PCCA: variants seen among roughly 807,000 people sequenced by gnomAD.
PCCA encodes the protein propionyl-CoA carboxylase alpha chain, mitochondrial.
In PCCA, 74 loss-of-function variants were observed where a neutral mutation model predicts 101.3. The observed-to-expected ratio is 0.73, with a 90% CI of 0.61 to 0.89. PCCA has a LOEUF of 0.89. PCCA is among the 40% of genes least tolerant of loss of function. The probability of loss-of-function intolerance (pLI) is 0.00; values close to 1 mark genes in which losing one functional copy is unlikely to be tolerated. For synonymous variants in PCCA, 294 were observed against 313.6 expected, an observed-to-expected ratio of 0.94 and a Z score of 0.66; for missense variants, 891 against 907.0, an observed-to-expected ratio of 0.98 and a Z score of 0.23.
rs191619340 is a variant in PCCA at position 100,092,371 on chromosome 13, C to A, written c.105+3146C>A. On this transcript the variant is annotated intron_variant, in intron 1 of 23. Transcript: ENST00000376285. ...ACCTTAGATAATATGATTCTGAAGG[C>A]TTTCTTTTCTTTCTTCCTTTTTTTT... is the stretch of plus-strand genomic sequence containing the variant. 7.3e-5 allele frequency among the ~76,000 whole-genome samples: 11 copies of A among 151,284 alleles called. No homozygotes were observed. The East Asian group carries it at 2.1e-3, about 30-fold the overall frequency.
intron 21 of PCCA, among the ~76,000 whole-genome samples, chr13:100,509,808 GTTTTTTGTTTTGTGTT>G (rs1286068424): frequency 4.5e-5 from 5 of 111,846 alleles, no homozygotes; most frequent in African/African-American, 1.5e-4. Flanking sequence ...GGTGGTGTGG[GTTTTTTGTTTTGTGTT>G]TTTTTTGTTT....
intron 7 of PCCA, among the ~76,000 whole-genome samples, chr13:100,225,249 A>G (rs1199322944): frequency 6.6e-6 from 1 of 152,212 alleles, no homozygotes; most frequent in East Asian, 1.9e-4. Flanking sequence ...GATCTGTTCA[A>G]TGTCAGGTGT....
intron 4 of PCCA, among the ~76,000 whole-genome samples, chr13:100,132,683 G>A (rs1160615637): frequency 6.6e-6 from 1 of 152,086 alleles, no homozygotes; most frequent in African/African-American, 2.4e-5. Context: ...TGGTCATATG[G>A]TAAGTATAAG....
intron 4 of PCCA, among the ~76,000 whole-genome samples, chr13:100,115,606 A>G (rs528526996): frequency 6.6e-5 from 10 of 152,328 alleles, no homozygotes; most frequent in African/African-American, 2.2e-4. Flanking sequence ...GGAATTTTTC[A>G]GCTCCATTAT....
chr13:100,207,637 C>T (rs2058943953), intron 6 of PCCA, among the ~76,000 whole-genome samples: 1 of 152,014 alleles, frequency 6.6e-6, no homozygotes. Flanking sequence ...TCCTCGGCCT[C>T]CCAAAGTGCT....
chr13:100,097,262 G>A (rs1396365470), intron 1 of PCCA, among the ~76,000 whole-genome samples: 1 of 152,042 alleles, frequency 6.6e-6, no homozygotes. Context: ...GGGGATGGGA[G>A]TGACTGCGAA....
At chr13:100,157,248 A>T in intron 5 of PCCA, 39 bp from the exon 6 acceptor site, 1 of 1,436,388 alleles carries the variant, frequency 7.0e-7, no homozygotes, top group Non-Finnish European at 9.8e-7. Flanking sequence ...CTTTTGCAAT[A>T]TGATAAAATT....
intron 21 of PCCA, among the ~76,000 whole-genome samples, chr13:100,458,294 T>TACACACAC (rs57961819): frequency 8.9e-4 from 77 of 86,516 alleles, no homozygotes; most frequent in East Asian, 5.8e-3. Context: ...ACCCCATCTC[T>TACACACAC]ACACACACAC....
chr13:100,530,144 A>T lies in PCCA; in HGVS notation c.2165A>T (p.Asp722Val), dbSNP rs1283571787. ...GCTGGAGACACAGTTGGAGAAGGGG[A>T]TCTGCTCGTGGAGCTGGAATGAAGG... The part of the protein sequence containing the change: ...CQAGDTVGEG[D>V]LLVELE Residue 722 changes from aspartate to valine, a missense_variant, in exon 24 of 24, where the codon GAT (aspartate) becomes GTT (valine). By Grantham distance (152) the Asp-to-Val change is radical. Transcript: ENST00000376285. 1 of 1,613,958 alleles carries T rather than the reference A, an allele frequency of 6.2e-7. No individual in the cohort carries two copies. The highest frequency in any genetic ancestry group is 8.5e-7 in the Non-Finnish European group (1 of 1,179,858).
At chr13:100,481,097 A>C (rs1289113621) in intron 21 of PCCA, 1 of 152,114 alleles carries the variant, frequency 6.6e-6, no homozygotes, top group Non-Finnish European at 1.5e-5. Context: ...TCACAATTTC[A>C]TGGATAGAAG....
chr13:100,300,052 A>G (rs1314042270), intron 12 of PCCA, among the ~76,000 whole-genome samples: 2 of 152,234 alleles, frequency 1.3e-5, no homozygotes, highest in Non-Finnish European at 2.9e-5. Context: ...ATGCTTTCTC[A>G]CATGAGATTG....
At chr13:100,465,681 C>T (rs112107966) in intron 21 of PCCA, among the ~76,000 whole-genome samples, 1,773 of 152,244 alleles carry the variant, frequency 0.012, 41 homozygotes, top group African/African-American at 0.04. Flanking sequence ...GCATCCTTGG[C>T]GTCCACCAAC....
At chr13:100,175,285 C>A (rs2056132954) in intron 6 of PCCA, among the ~76,000 whole-genome samples, 3 of 152,066 alleles carry the variant, frequency 2.0e-5, no homozygotes, top group Non-Finnish European at 4.4e-5. Flanking sequence ...TTCCCCCAAA[C>A]CTTAGATCCT....
At chr13:100,267,259 T>G (rs2063000169) in intron 10 of PCCA, among the ~76,000 whole-genome samples, 1 of 152,212 alleles carries the variant, frequency 6.6e-6, no homozygotes, top group South Asian at 2.1e-4. Context: ...TTTTAATGAT[T>G]TCAAATATTT....
chr13:100,483,376 C>G (rs944535975), intron 21 of PCCA, among the ~76,000 whole-genome samples: 1 of 152,226 alleles, frequency 6.6e-6, no homozygotes, highest in South Asian at 2.1e-4. Flanking sequence ...CCGGCGCTGT[C>G]CTTTTCTCCT....
intron 22 of PCCA, among the ~76,000 whole-genome samples, chr13:100,520,687 T>C (rs971078673): frequency 6.9e-6 from 1 of 144,846 alleles, no homozygotes; most frequent in African/African-American, 2.6e-5. Flanking sequence ...GTAACAAATA[T>C]CTATTAGTAG....
At chr13:100,319,573 C>A (rs1272504738) in intron 16 of PCCA, among the ~76,000 whole-genome samples, 2 of 152,178 alleles carry the variant, frequency 1.3e-5, no homozygotes, top group Non-Finnish European at 2.9e-5. Flanking sequence ...GTTTTCCCAG[C>A]ACCATTTATT....
At position 100,268,738 on chromosome 13, in the gene PCCA, G is replaced by A. The variant is rs1595032920; in HGVS notation, c.869G>A (p.Cys290Tyr). 3.1e-6 allele frequency: 5 copies of A among 1,614,150 alleles called. No individual in the cohort carries two copies. Among genetic ancestry groups the A allele is most frequent in the Non-Finnish European group, 4.2e-6 (5 of 1,179,966 alleles). ...GNALWLNERE[C>Y]SIQRRNQKVV... ...GCTTTATGGCTTAATGAAAGAGAGT[G>A]CTCAATTCAGAGAAGAAATCAGAAG... The change falls in exon 11 of 24, where the codon TGC becomes TAC. Residue 290 changes from cysteine (C) to tyrosine (Y), a missense_variant. Transcript: ENST00000376285.
chr13:100,233,875 T>G (rs1288166679), intron 7 of PCCA, among the ~76,000 whole-genome samples: 2 of 152,192 alleles, frequency 1.3e-5, no homozygotes, highest in Non-Finnish European at 2.9e-5. Flanking sequence ...CAGTGGAATT[T>G]TTAATTTGCT....
Sources: gnomAD v4.1 joint callset for allele counts (sites outside exome capture counted in the v4.1 genomes callset) on GRCh38, gnomAD v4.1.1 for gene constraint, MANE v1.5 for transcripts, NCBI Gene and HGNC (gene_info 2026-07-23, HGNC 2026-07-21) for gene names.